Variants in ANKZF1 observed in about 807,000 individuals in gnomAD.
ANKZF1 encodes the protein ankyrin repeat and zinc finger peptidyl tRNA hydrolase 1.
Under a neutral mutation model 86.0 loss-of-function variants are expected in ANKZF1, and 84 were observed. That is an observed-to-expected ratio of 0.98 (90% confidence interval 0.82 to 1.17). The LOEUF (loss-of-function observed/expected upper bound fraction) is 1.17. Among genes scored for constraint, ANKZF1 ranks in the 50% most tolerant of loss-of-function variants. ANKZF1 has a pLI of 0.00. For synonymous variants in ANKZF1, 331 were observed against 354.2 expected, an observed-to-expected ratio of 0.93 and a Z score of 0.74; for missense variants, 893 against 918.4, an observed-to-expected ratio of 0.97 and a Z score of 0.36.
chr2:219,236,236 A>G, intron 13 of ANKZF1, 86 bp from the exon 14 acceptor site: 1 of 1,608,294 alleles, frequency 6.2e-7, no homozygotes, highest in Admixed American at 1.7e-5. Flanking sequence ...CAGTGAAAAC[A>G]GAAATGGCAG....
chr2:219,230,605 C>T, intron 2 of ANKZF1, 200 bp downstream of exon 2: 3 of 586,564 alleles, frequency 5.1e-6, no homozygotes, highest in Non-Finnish European at 8.4e-6. Context: ...TTGCATGTAT[C>T]TCCTCACGTT....
chr2:219,236,068 T>A lies in ANKZF1; in HGVS notation c.2030T>A (p.Ile677Asn). ...AAQLGAPTSP[I>N]PDSAIVNTRR... ...CAGTTGGGAGCCCCTACCTCTCCAA[T>A]CCCTGACTCTGCAATCGTCAATACT... Residue 677 changes from isoleucine to asparagine, a missense_variant, in exon 13 of 14, where the codon ATC becomes AAC. Transcript: ENST00000323348. 1 of 1,614,124 alleles carries A rather than the reference T, an allele frequency of 6.2e-7. No individual in the cohort carries two copies.
rs753737968 is a variant in ANKZF1 at position 219,234,994 on chromosome 2, T to C, written c.1373T>C (p.Leu458Pro). ...RDQEAGAHRT[L>P]LQQTQEEEPS... Reference sequence around the variant, plus strand: ...CAGGAGGCTGGGGCACATCGGACTCTTCTCCAGCAAACTCAAGAAGAGGAG... The same window carrying C: ...CAGGAGGCTGGGGCACATCGGACTCCTCTCCAGCAAACTCAAGAAGAGGAG... Residue 458 changes from leucine to proline, a missense_variant, in exon 10 of 14, where the codon CTT becomes CCT. Physicochemically the swap from Leu to Pro is moderately conservative, Grantham distance 98. Transcript: ENST00000323348. 7 of 1,614,138 alleles carry C rather than the reference T, an allele frequency of 4.3e-6. No individual in the cohort carries two copies. The Admixed American group carries it at 6.7e-5, about 15-fold the overall frequency.
Position 219,233,853 on chromosome 2 carries a change from C to A in ANKZF1, c.958C>A (p.Arg320=), listed in dbSNP as rs555146150. Reference sequence around the variant, plus strand: ...AGCACCCCTGCAAAGGGGGGATCCCCGACTTTGGGATATCCCCCTCGCCAC... The same window carrying A: ...AGCACCCCTGCAAAGGGGGGATCCCAGACTTTGGGATATCCCCCTCGCCAC... The part of the protein sequence containing the change: ...KGAPLQRGDP[R]LWDIPLATRR... The change falls in exon 8 of 14, where the codon CGA becomes AGA. Residue 320 remains arginine (R), a synonymous_variant. Coordinates refer to ENST00000323348, the MANE Select transcript of ANKZF1 (RefSeq NM_018089.3). 6.2e-7 allele frequency: 1 copy of A among 1,613,244 alleles called. No homozygotes were observed. The highest frequency in any genetic ancestry group is 2.2e-5 in the East Asian group (1 of 44,892).
intron 11 of ANKZF1, 57 bp from the exon 12 acceptor site, chr2:219,235,651 A>G: frequency 2.5e-6 from 4 of 1,611,440 alleles, no homozygotes; most frequent in Non-Finnish European, 2.5e-6. Flanking sequence ...GATCCTTTCT[A>G]CTTCTTGCAG....
Position 219,233,444 on chromosome 2 carries a change from C to G in ANKZF1, c.819+11C>G. 3.1e-6 allele frequency: 5 copies of G among 1,599,184 alleles called. No individual in the cohort carries two copies. The highest frequency in any genetic ancestry group is 1.1e-5 in the South Asian group (1 of 89,136). On this transcript the variant is annotated intron_variant, in intron 7 of 13. Coordinates refer to ENST00000323348, the MANE Select transcript of ANKZF1 (RefSeq NM_018089.3). ...GCCACACTATATAAGGTGAGTTAAG[C>G]CTTTTAGATCTGGTGGTACTGATCC...
chr2:219,235,646 T>A, intron 11 of ANKZF1, 61 bp downstream of exon 11: 1 of 1,611,630 alleles, frequency 6.2e-7, no homozygotes, highest in South Asian at 1.1e-5. Flanking sequence ...GGCTAGATCC[T>A]TTCTACTTCT....
intron 11 of ANKZF1, 49 bp from the exon 12 acceptor site, chr2:219,235,659 C>G: frequency 1.2e-6 from 2 of 1,610,964 alleles, no homozygotes; most frequent in Non-Finnish European, 1.7e-6. Flanking sequence ...CTACTTCTTG[C>G]AGTTTTACCA....
At chr2:219,233,024 T>G (rs1951087541) in intron 5 of ANKZF1, 55 bp from the exon 6 acceptor site, 2 of 1,526,498 alleles carry the variant, frequency 1.3e-6, no homozygotes, top group Admixed American at 1.7e-5. Context: ...GGCCCTTAGT[T>G]TCTTGCTCTC....
At position 219,235,142 on chromosome 2, in the gene ANKZF1, T is replaced by TG; in HGVS notation, c.1523dup (p.Val509SerfsTer14). The TG allele has an allele frequency of 1.9e-6, 3 of 1,614,220 alleles. No individual in the cohort carries two copies. Among genetic ancestry groups the TG allele is most frequent in the Non-Finnish European group, 2.5e-6 (3 of 1,180,032 alleles). ...TTGCTGCTTGCCGAGCTGGAGATGTTGGAGTGCTAAAGCTGCAGCTAGCTC... is the reference window on the plus strand; with the variant it reads ...TTGCTGCTTGCCGAGCTGGAGATGTTGGGAGTGCTAAAGCTGCAGCTAGCTC... On this transcript the variant is annotated frameshift_variant, in exon 10 of 14. Transcript: ENST00000323348. LOFTEE classifies it high-confidence loss of function.
Position 219,235,791 on chromosome 2 carries a change from G to A in ANKZF1, c.1887G>A (p.Glu629=). The change falls in exon 12 of 14, where the codon GAG becomes GAA. Residue 629 remains glutamate (E), a synonymous_variant. Transcript: ENST00000323348. ...REQKAARRQR[E]EQQQRQQEQE... ...AGAAGGCAGCCCGGCGGCAACGGGA[G>A]GAACAGCAGCAGAGGCAGCAGGAGC... 1 of 1,614,238 alleles carries A rather than the reference G, an allele frequency of 6.2e-7. No homozygotes were observed. The highest frequency in any genetic ancestry group is 8.5e-7 in the Non-Finnish European group (1 of 1,180,048).
chr2:219,236,184 G>A (rs1951223528), intron 13 of ANKZF1, 89 bp downstream of exon 13: 5 of 1,601,080 alleles, frequency 3.1e-6, no homozygotes, highest in African/African-American at 1.3e-5. Context: ...ACAGTATTCA[G>A]AAGGGTGGTT....
At chr2:219,233,258 T>TC in intron 6 of ANKZF1, 28 bp from the exon 7 acceptor site, 1 of 1,614,200 alleles carries the variant, frequency 6.2e-7, no homozygotes, top group Non-Finnish European at 8.5e-7. Context: ...CCAGCTGGTC[T>TC]CCAGTACTGA....
rs372021800 is a variant in ANKZF1 at position 219,236,419 on chromosome 2, C to T, written c.2155C>T (p.Arg719Cys). 6 of 1,610,356 alleles carry T rather than the reference C, an allele frequency of 3.7e-6. No individual in the cohort carries two copies. The highest frequency in any genetic ancestry group is 3.3e-5 in the South Asian group (3 of 90,632). The change falls in exon 14 of 14, where the codon CGT becomes TGT. Residue 719 changes from arginine to cysteine, a missense_variant. Arg to Cys is a radical substitution (Grantham distance 180). Coordinates refer to ENST00000323348, the MANE Select transcript of ANKZF1 (RefSeq NM_018089.3). Reference protein sequence around the residue: ...CSTRCLQDHRRQAGRPSS With the variant: ...CSTRCLQDHRCQAGRPSS The stretch of plus-strand genomic sequence containing the variant: ...CACACGTTGCCTCCAGGATCATCGC[C>T]GTCAGGCAGGGAGGCCCTCTTCCTG...
Position 219,235,290 on chromosome 2 carries a change from G to A in ANKZF1, c.1669G>A (p.Ala557Thr), listed in dbSNP as rs755686215. ...CTCAGTGGTTCGTCTGCTGCTGGAA[G>A]CAGGTGCTGACCCCACTGTGCAGTG... ...RGSVVRLLLE[A>T]GADPTVQDSR... The change falls in exon 10 of 14, where the codon GCA becomes ACA. Residue 557 changes from alanine (A) to threonine (T), a missense_variant. Physicochemically the swap from Ala to Thr is moderately conservative, Grantham distance 58 (BLOSUM62 0). Transcript: ENST00000323348. 1.2e-6 allele frequency: 2 copies of A among 1,611,166 alleles called. No individual in the cohort carries two copies. Among genetic ancestry groups the A allele is most frequent in the African/African-American group, 2.7e-5 (2 of 74,952 alleles).
chr2:219,230,089 G>A, intron 1 of ANKZF1, 139 bp from the exon 2 acceptor site: 1 of 636,376 alleles, frequency 1.6e-6, no homozygotes, highest in Non-Finnish European at 2.6e-6. Context: ...CGGGGGCCAA[G>A]GTATTCATCT....
chr2:219,234,753 T>C, intron 9 of ANKZF1, 73 bp from the exon 10 acceptor site: 1 of 1,510,982 alleles, frequency 6.6e-7, no homozygotes, highest in Non-Finnish European at 8.9e-7. Context: ...ATTTCAGGCT[T>C]TCATTCTTAT....
chr2:219,233,912 G>GCT lies in ANKZF1; in HGVS notation c.1019_1020dup (p.His341SerfsTer4). The GCT allele has an allele frequency of 6.3e-7, 1 of 1,590,902 alleles. No individual in the cohort carries two copies. Among genetic ancestry groups the GCT allele is most frequent in the African/African-American group, 1.3e-5 (1 of 74,132 alleles). ...CCACCTTCCAAGAGCTACAGCGTGT[G>GCT]CTCCATAAGCTGACCACTTTGCATG... On this transcript the variant is annotated frameshift_variant, in exon 8 of 14. Coordinates refer to ENST00000323348, the MANE Select transcript of ANKZF1 (RefSeq NM_018089.3). LOFTEE classifies it high-confidence loss of function.
In ANKZF1 at chr2:219,232,355, C is replaced by T. The variant is rs1951067639; in HGVS notation, c.357C>T (p.Ser119=). The part of the protein sequence containing the change: ...LLSALDFEKQ[S]STGDLSSISG... ...CTGCCCTGGACTTTGAAAAGCAGAGCTCCACAGGTGATGAGTGGTAGGGGG... is the reference window on the plus strand; with the variant it reads ...CTGCCCTGGACTTTGAAAAGCAGAGTTCCACAGGTGATGAGTGGTAGGGGG... Residue 119 remains serine (S), a synonymous_variant, in exon 4 of 14, where the codon AGC becomes AGT. Coordinates refer to ENST00000323348, the MANE Select transcript of ANKZF1 (RefSeq NM_018089.3). 3 of 1,614,186 alleles carry T rather than the reference C, an allele frequency of 1.9e-6. No individual in the cohort carries two copies. The highest frequency in any genetic ancestry group is 2.7e-5 in the African/African-American group (2 of 75,044).
Sources: gnomAD v4.1 joint callset for allele counts on GRCh38, gnomAD v4.1.1 for gene constraint, MANE v1.5 for transcripts, NCBI Gene and HGNC (gene_info 2026-07-23, HGNC 2026-07-21) for gene names.